The following TMEM255B variants were observed in gnomAD, a reference collection of about 807,000 sequenced individuals.
TMEM255B encodes the protein transmembrane protein 255B.
TMEM255B carries 35 observed loss-of-function variants against 34.5 expected under a neutral mutation model. The ratio of observed to expected loss-of-function variants is 1.01; its 90% confidence interval spans 0.77 to 1.34. TMEM255B has a LOEUF of 1.34. Ranked by LOEUF, TMEM255B falls within the 40% of genes most tolerant of loss-of-function variation. The probability of loss-of-function intolerance (pLI) is 0.00; values close to 1 mark genes in which losing one functional copy is unlikely to be tolerated. For synonymous variants in TMEM255B, 206 were observed against 201.2 expected, an observed-to-expected ratio of 1.02 and a Z score of -0.20; for missense variants, 432 against 433.2, an observed-to-expected ratio of 1.00 and a Z score of 0.02.
At chr13:113,805,782 G>A (rs1281081274) in intron 8 of TMEM255B, among the ~76,000 whole-genome samples, 4 of 152,156 alleles carry the variant, frequency 2.6e-5, no homozygotes, top group Non-Finnish European at 4.4e-5. Flanking sequence ...CTCCTGCCTG[G>A]ACGTGCCGTG....
rs1376982131 is a variant in TMEM255B at position 113,806,090 on chromosome 13, C to T, written c.813+1062C>T. On this transcript the variant is annotated intron_variant, in intron 8 of 8. Transcript: ENST00000375353. The surrounding 1 kb of genome is among the most constrained non-coding windows in gnomAD (Gnocchi z 4.2). ...AAGAGGACCCTCTCCCGACACATGA[C>T]GTTGTCAGGAAAAGATCTTCCTTAG... Among the ~76,000 whole-genome samples, 3 of 152,164 alleles carry T rather than the reference C, an allele frequency of 2.0e-5. No homozygotes were observed. Among genetic ancestry groups the T allele is most frequent in the East Asian group, 1.9e-4 (1 of 5,190 alleles).
At chr13:113,772,744 A>G (rs1434996014) in intron 3 of TMEM255B, among the ~76,000 whole-genome samples, 1 of 152,226 alleles carries the variant, frequency 6.6e-6, no homozygotes, top group Non-Finnish European at 1.5e-5. Context: ...GTGGACTTTT[A>G]ATTCTATTCT....
At chr13:113,803,531 C>G (rs1352770079) in intron 7 of TMEM255B, among the ~76,000 whole-genome samples, 2 of 148,100 alleles carry the variant, frequency 1.4e-5, no homozygotes, top group African/African-American at 2.5e-5. Flanking sequence ...GCGTGTGACT[C>G]CGTGGCCCCC....
chr13:113,777,478 C>G (rs2138537352), intron 3 of TMEM255B, among the ~76,000 whole-genome samples: 1 of 152,324 alleles, frequency 6.6e-6, no homozygotes, highest in East Asian at 1.9e-4. Flanking sequence ...CTGTGCACCC[C>G]AGACTGCTGT....
chr13:113,774,921 A>G (rs563248030), intron 3 of TMEM255B, among the ~76,000 whole-genome samples: 1 of 149,386 alleles, frequency 6.7e-6, no homozygotes, highest in South Asian at 2.1e-4. Context: ...TCCACACAAT[A>G]CACTACTCAC....
chr13:113,809,821 GA>G (rs2051266520), intron 8 of TMEM255B, among the ~76,000 whole-genome samples: 1 of 152,126 alleles, frequency 6.6e-6, no homozygotes, highest in Admixed American at 6.5e-5. Context: ...CTGTGAAGAA[GA>G]GTGGGTGCTA....
chr13:113,778,113 G>A (rs539273858), intron 3 of TMEM255B, among the ~76,000 whole-genome samples: 9 of 152,332 alleles, frequency 5.9e-5, no homozygotes, highest in East Asian at 1.9e-4. Flanking sequence ...AGGAAGGCTC[G>A]GAACAAGCTG....
chr13:113,772,695 T>A (rs1022733898), intron 3 of TMEM255B, among the ~76,000 whole-genome samples: 5 of 152,250 alleles, frequency 3.3e-5, no homozygotes, highest in Admixed American at 6.5e-5. Context: ...CTTGGCACCC[T>A]TGTTGAAAAT....
intron 4 of TMEM255B, among the ~76,000 whole-genome samples, chr13:113,798,810 TG>T (rs1053690473): frequency 5.3e-5 from 8 of 152,008 alleles, no homozygotes; most frequent in Non-Finnish European, 1.2e-4. Flanking sequence ...TATGGATGAA[TG>T]AATAGATAGA....
intron 3 of TMEM255B, among the ~76,000 whole-genome samples, chr13:113,771,893 A>G (rs986162299): frequency 6.6e-6 from 1 of 152,174 alleles, no homozygotes; most frequent in East Asian, 1.9e-4. Context: ...TGGGTCATAC[A>G]GTAATGCTGT....
intron 3 of TMEM255B, among the ~76,000 whole-genome samples, chr13:113,776,898 C>G (rs9604471): frequency 6.6e-6 from 1 of 151,980 alleles, no homozygotes; most frequent in African/African-American, 2.4e-5. Context: ...CGCCCACCCA[C>G]AGGTCCCAGG....
chr13:113,792,952 C>T (rs921688296), intron 3 of TMEM255B, among the ~76,000 whole-genome samples: 3 of 152,250 alleles, frequency 2.0e-5, no homozygotes, highest in Non-Finnish European at 4.4e-5. Context: ...CTGCGTATCC[C>T]GTGGGGACGC....
intron 3 of TMEM255B, among the ~76,000 whole-genome samples, chr13:113,778,469 C>T (rs551335201): frequency 4.1e-5 from 6 of 147,170 alleles, no homozygotes; most frequent in South Asian, 4.3e-4. Flanking sequence ...GGGTGAGTCC[C>T]GATTTCATCT....
At chr13:113,797,532 C>T (rs1321613488) in intron 4 of TMEM255B, among the ~76,000 whole-genome samples, 1 of 152,238 alleles carries the variant, frequency 6.6e-6, no homozygotes, top group Non-Finnish European at 1.5e-5. Context: ...GAAGGAGCCT[C>T]TGTCCCCTTG....
Position 113,795,171 on chromosome 13 carries a change from C to A in TMEM255B, c.276C>A (p.Ile92=). Residue 92 remains isoleucine, a synonymous_variant, in exon 4 of 9, where the codon ATC becomes ATA. Transcript: ENST00000375353. ...AGCTGGTGGCAGCGATCGTGTTTATCAGTTTTGGCGTGGTGGCCGCCTTCT... is the reference window on the plus strand; with the variant it reads ...AGCTGGTGGCAGCGATCGTGTTTATAAGTTTTGGCGTGGTGGCCGCCTTCT... ...RQMLVAAIVF[I]SFGVVAAFCC... 6.2e-7 allele frequency: 1 copy of A among 1,613,970 alleles called. No individual in the cohort carries two copies. Among genetic ancestry groups the A allele is most frequent in the Middle Eastern group, 1.7e-4 (1 of 6,046 alleles).
chr13:113,763,894 G>T (rs2050347015), intron 1 of TMEM255B, among the ~76,000 whole-genome samples: 1 of 152,232 alleles, frequency 6.6e-6, no homozygotes, highest in Admixed American at 6.5e-5. Context: ...CGAGTTAGAG[G>T]TGGGGAGGAG....
rs562283398 is a variant in TMEM255B at position 113,797,267 on chromosome 13, G to A, written c.342+2030G>A. 5.3e-5 allele frequency among the ~76,000 whole-genome samples: 8 copies of A among 152,366 alleles called. No homozygotes were observed. The East Asian group carries it at 1.2e-3, about 22-fold the overall frequency. Reference sequence around the variant, plus strand: ...CCAGGGCTGACTTTAGGACGGATGCGCAGACAGCACTCACTGGAGCTCAGA... The same window carrying A: ...CCAGGGCTGACTTTAGGACGGATGCACAGACAGCACTCACTGGAGCTCAGA... On this transcript the variant is annotated intron_variant, in intron 4 of 8. Transcript: ENST00000375353.
At chr13:113,802,397 G>T (rs116826403) in intron 7 of TMEM255B, among the ~76,000 whole-genome samples, 1 of 152,182 alleles carries the variant, frequency 6.6e-6, no homozygotes, top group Non-Finnish European at 1.5e-5. Context: ...AGATGTTCTC[G>T]TGGTGTGCGG....
At chr13:113,785,016 A>G (rs1193425630) in intron 3 of TMEM255B, among the ~76,000 whole-genome samples, 1 of 152,198 alleles carries the variant, frequency 6.6e-6, no homozygotes, top group Non-Finnish European at 1.5e-5. Context: ...ATATAAGGGT[A>G]TTTAAGGGTT....
Sources: gnomAD v4.1 joint callset for allele counts (sites outside exome capture counted in the v4.1 genomes callset) on GRCh38, gnomAD v4.1.1 for gene constraint, Gnocchi (gnomAD v3.1) non-coding constraint, MANE v1.5 for transcripts, NCBI Gene and HGNC (gene_info 2026-07-23, HGNC 2026-07-21) for gene names.